EGFR: variants seen among roughly 807,000 people sequenced by gnomAD.
The protein encoded by EGFR is avian erythroblastic leukemia viral (v-erb-b) oncogene homolog.
A neutral mutation model predicts 143.0 loss-of-function variants in EGFR; 58 were observed. That is an observed-to-expected ratio of 0.41 (90% confidence interval 0.33 to 0.50). The LOEUF (loss-of-function observed/expected upper bound fraction) is 0.50. Among genes scored for constraint, EGFR ranks in the 20% least tolerant of loss-of-function variants. The pLI is 0.39. For missense variants in EGFR, 1,307 were observed against 1,579.0 expected, an observed-to-expected ratio of 0.83 and a Z score of 2.92; for synonymous variants, 613 against 594.4, an observed-to-expected ratio of 1.03 and a Z score of -0.45.
intron 1 of EGFR, among the ~76,000 whole-genome samples, chr7:55,103,134 TC>T (rs1168954262): frequency 1.3e-5 from 2 of 152,236 alleles, no homozygotes; most frequent in African/African-American, 2.4e-5. Context: ...TTCAGTATTT[TC>T]TTCCTCAGGA....
chr7:55,142,416 T>C lies in EGFR; in HGVS notation c.219T>C (p.Asn73=). The C allele has an allele frequency of 1.2e-6, 2 of 1,614,160 alleles. No homozygotes were observed. The highest frequency in any genetic ancestry group is 8.5e-7 in the Non-Finnish European group (1 of 1,180,022). ...GNLEITYVQR[N]YDLSFLKTIQ... is the part of the protein sequence containing the mutation. ...TGGAAATTACCTATGTGCAGAGGAA[T>C]TATGATCTTTCCTTCTTAAAGGTTG... Residue 73 remains asparagine, a synonymous_variant, in exon 2 of 28, where the codon AAT becomes AAC. Coordinates refer to ENST00000275493, the MANE Select transcript of EGFR (RefSeq NM_005228.5).
intron 1 of EGFR, among the ~76,000 whole-genome samples, chr7:55,046,575 T>C (rs1290583370): frequency 7.2e-6 from 1 of 139,062 alleles, no homozygotes; most frequent in East Asian, 3.1e-4. Context: ...TTAGTGTTAA[T>C]AGATGTTCTT....
chr7:55,167,448 A>G (rs1313035342), intron 15 of EGFR, among the ~76,000 whole-genome samples: 3 of 149,164 alleles, frequency 2.0e-5, no homozygotes, highest in Non-Finnish European at 2.9e-5. Context: ...GGTGGGAGTC[A>G]CAACGTTGGT....
chr7:55,040,165 A>G (rs1033739135), intron 1 of EGFR, among the ~76,000 whole-genome samples: 6 of 152,192 alleles, frequency 3.9e-5, no homozygotes, highest in African/African-American at 1.4e-4. Context: ...TGAGTTCTGC[A>G]TCAGGCTTGG....
At chr7:55,095,229 C>T (rs539809447) in intron 1 of EGFR, among the ~76,000 whole-genome samples, 110 of 152,306 alleles carry the variant, frequency 7.2e-4, no homozygotes, top group Middle Eastern at 3.4e-3. Context: ...CTCTGCTGTC[C>T]GACTGGCCCT....
chr7:55,196,774 A>G (rs1289783481), intron 22 of EGFR, among the ~76,000 whole-genome samples: 7 of 146,976 alleles, frequency 4.8e-5, no homozygotes, highest in Non-Finnish European at 7.5e-5. Context: ...GGAGTCCTTT[A>G]TTCATTGCTT....
intron 20 of EGFR, among the ~76,000 whole-genome samples, chr7:55,184,925 A>C (rs150018365): frequency 1.3e-5 from 2 of 152,202 alleles, no homozygotes; most frequent in Non-Finnish European, 1.5e-5. Flanking sequence ...TTGAAGTAAA[A>C]CTACCCAGAA....
At position 55,174,508 on chromosome 7, in the gene EGFR, A is replaced by T. The variant is rs17337128; in HGVS notation, c.2185-214A>T. On this transcript the variant is annotated intron_variant, in intron 18 of 27. Coordinates refer to ENST00000275493, the MANE Select transcript of EGFR (RefSeq NM_005228.5). ...GGCTTTACAAGCTTGAGATTCTTTT[A>T]TCTAAATAATCAGTGTGATTCGTGG... is the stretch of plus-strand genomic sequence containing the variant. 0.012 allele frequency among the ~76,000 whole-genome samples: 1,759 copies of T among 152,338 alleles called. 41 individuals carry two copies. The highest frequency in any genetic ancestry group is 0.04 in the African/African-American group (1,680 of 41,578).
intron 10 of EGFR, 135 bp from the exon 11 acceptor site, chr7:55,157,528 T>C (rs1051743889): frequency 3.4e-5 from 27 of 791,612 alleles, no homozygotes; most frequent in South Asian, 3.1e-4. Flanking sequence ...AAGATGATAA[T>C]GAAAAAGAAA....
chr7:55,095,230 G>A (rs993991295), intron 1 of EGFR, among the ~76,000 whole-genome samples: 4 of 152,180 alleles, frequency 2.6e-5, no homozygotes, highest in Admixed American at 2.0e-4. Context: ...TCTGCTGTCC[G>A]ACTGGCCCTC....
intron 1 of EGFR, among the ~76,000 whole-genome samples, chr7:55,078,910 T>TG (rs967741750): frequency 6.6e-6 from 1 of 152,090 alleles, no homozygotes; most frequent in African/African-American, 2.4e-5. Context: ...GGCACGCGTC[T>TG]GGGGTGGAGA....
chr7:55,140,909 A>G (rs1175779483), intron 1 of EGFR, among the ~76,000 whole-genome samples: 2 of 152,238 alleles, frequency 1.3e-5, no homozygotes, highest in Non-Finnish European at 2.9e-5. Flanking sequence ...TGGGTTGGTT[A>G]TGTGCTGTCT....
At chr7:55,086,353 G>T (rs540842274) in intron 1 of EGFR, among the ~76,000 whole-genome samples, 2 of 144,620 alleles carry the variant, frequency 1.4e-5, no homozygotes, top group South Asian at 2.1e-4. Flanking sequence ...AGGTTATTTT[G>T]CTCCCTTTCC....
chr7:55,068,027 T>C (rs1789611980), intron 1 of EGFR, among the ~76,000 whole-genome samples: 1 of 151,240 alleles, frequency 6.6e-6, no homozygotes. Context: ...TGCCTGTGTG[T>C]ATGTGTATAT....
chr7:55,196,715 T>C lies in EGFR; in HGVS notation c.2702-2002T>C, dbSNP rs374390222. Among the ~76,000 whole-genome samples the C allele has an allele frequency of 2.6e-3, 396 of 152,212 alleles. 2 individuals are homozygous for C. Among genetic ancestry groups the C allele is most frequent in the African/African-American group, 8.7e-3 (361 of 41,534 alleles). Reference sequence around the variant, plus strand: ...TTTTGTGTATGGTGTAAGGAAGGAGTCCAGTTTCAATCTTCTTCATGGCTA... The same window carrying C: ...TTTTGTGTATGGTGTAAGGAAGGAGCCCAGTTTCAATCTTCTTCATGGCTA... On this transcript the variant is annotated intron_variant, in intron 22 of 27. Coordinates refer to ENST00000275493, the MANE Select transcript of EGFR (RefSeq NM_005228.5).
At chr7:55,135,208 G>A (rs940289549) in intron 1 of EGFR, among the ~76,000 whole-genome samples, 10 of 151,930 alleles carry the variant, frequency 6.6e-5, no homozygotes, top group Non-Finnish European at 1.0e-4. Context: ...CATGGGGTTG[G>A]AAGTCCACCA....
chr7:55,037,555 C>T (rs753747200), intron 1 of EGFR, among the ~76,000 whole-genome samples: 1 of 152,206 alleles, frequency 6.6e-6, no homozygotes, highest in South Asian at 2.1e-4. Flanking sequence ...TGAGGATAGC[C>T]TCATACCCCT....
chr7:55,021,102 T>C (rs547101240), intron 1 of EGFR, among the ~76,000 whole-genome samples: 8 of 152,266 alleles, frequency 5.3e-5, no homozygotes, highest in African/African-American at 1.9e-4. Context: ...TGAGGACATC[T>C]GGAATTGTTA....
chr7:55,057,476 A>G (rs1788898502), intron 1 of EGFR, among the ~76,000 whole-genome samples: 1 of 152,216 alleles, frequency 6.6e-6, no homozygotes, highest in Non-Finnish European at 1.5e-5. Flanking sequence ...ATAAAACTCC[A>G]TCTACTCTTC....
Sources: gnomAD v4.1 joint callset for allele counts (sites outside exome capture counted in the v4.1 genomes callset) on GRCh38, gnomAD v4.1.1 for gene constraint, MANE v1.5 for transcripts, NCBI Gene and HGNC (gene_info 2026-07-23, HGNC 2026-07-21) for gene names.